Variants in MYT1L observed in about 807,000 individuals in gnomAD.
The protein encoded by MYT1L is myelin transcription factor 1 like.
A neutral mutation model predicts 126.7 loss-of-function variants in MYT1L; 12 were observed. The ratio of observed to expected loss-of-function variants is 0.09; its 90% CI spans 0.06 to 0.15. MYT1L has a LOEUF of 0.15. Among genes scored for constraint, MYT1L ranks in the 10% least tolerant of loss-of-function variants. MYT1L has a pLI of 1.00. For missense variants in MYT1L, 979 were observed against 1,585.2 expected, an observed-to-expected ratio of 0.62 and a Z score of 6.49; for synonymous variants, 541 against 604.2, an observed-to-expected ratio of 0.90 and a Z score of 1.53.
At chr2:1,955,222 T>C (rs968292853) in intron 8 of MYT1L, among the ~76,000 whole-genome samples, 1 of 148,260 alleles carries the variant, frequency 6.7e-6, no homozygotes, top group African/African-American at 2.5e-5. Flanking sequence ...AAAAAAAAAA[T>C]GGCTAAAGAT....
At chr2:2,291,946 C>T (rs978745126) in intron 1 of MYT1L, among the ~76,000 whole-genome samples, 5 of 152,252 alleles carry the variant, frequency 3.3e-5, no homozygotes, top group Non-Finnish European at 7.3e-5. Flanking sequence ...TGCAGAGGAG[C>T]GCTCGACAGC....
rs776661204 is a variant in MYT1L at position 1,979,817 on chromosome 2, C to T, written c.1-40G>A. The T allele has an allele frequency of 3.6e-5, 58 of 1,608,080 alleles. No individual in the cohort carries two copies. Among genetic ancestry groups the T allele is most frequent in the South Asian group, 2.2e-5 (2 of 90,874 alleles). On this transcript the variant is annotated intron_variant, in intron 5 of 24. Transcript: ENST00000647738. This position sits in a 1 kb window ranked among gnomAD's most constrained non-coding sequence, Gnocchi z 4.0. ...GCAGCCATCAATGTGCTTATCCTGCCTGTGCAGGCCAGCCCTGCAGGGGCG... is the reference window on the plus strand; with the variant it reads ...GCAGCCATCAATGTGCTTATCCTGCTTGTGCAGGCCAGCCCTGCAGGGGCG...
At chr2:1,952,831 C>CT in intron 8 of MYT1L, among the ~76,000 whole-genome samples, 1 of 82,528 alleles carries the variant, frequency 1.2e-5, no homozygotes, top group African/African-American at 5.8e-5. Flanking sequence ...CTCCCTCCCT[C>CT]CTTCCCTTAC....
chr2:2,295,791 CAGAG>C lies in MYT1L; in HGVS notation c.-520-11292_-520-11289del, dbSNP rs200564543. Among the ~76,000 whole-genome samples, 175 of 100,344 alleles carry C rather than the reference CAGAG, an allele frequency of 1.7e-3. 2 individuals carry two copies. Among genetic ancestry groups the C allele is most frequent in the Admixed American group, 3.4e-3 (36 of 10,600 alleles). 65.8% of individuals were successfully genotyped at this position (100,344 alleles called of 152,430 possible). ...ACAGAGAGAGAGATAGAGAGACAGA[CAGAG>C]AGAGAGAGAGAGAGAGAGACAGAGG... On this transcript the variant is annotated intron_variant, in intron 1 of 24. Coordinates refer to ENST00000647738, the MANE Select transcript of MYT1L (RefSeq NM_001303052.2).
At chr2:2,127,818 C>A (rs993766256) in intron 3 of MYT1L, among the ~76,000 whole-genome samples, 1 of 152,166 alleles carries the variant, frequency 6.6e-6, no homozygotes, top group Admixed American at 6.5e-5. Context: ...CATCCACACA[C>A]CACCACCTCC....
chr2:2,266,003 T>C (rs1424927065), intron 2 of MYT1L, among the ~76,000 whole-genome samples: 1 of 151,924 alleles, frequency 6.6e-6, no homozygotes, highest in Non-Finnish European at 1.5e-5. Flanking sequence ...ACAGAATAGC[T>C]CCGGGTGCAG....
intron 1 of MYT1L, among the ~76,000 whole-genome samples, chr2:2,319,838 A>G (rs976497429): frequency 6.6e-6 from 1 of 151,844 alleles, no homozygotes; most frequent in African/African-American, 2.4e-5. Flanking sequence ...GAAATTTGTT[A>G]CTCAGTTCTA....
chr2:1,993,353 G>A (rs1224290036), intron 5 of MYT1L, among the ~76,000 whole-genome samples: 2 of 152,232 alleles, frequency 1.3e-5, no homozygotes, highest in South Asian at 2.1e-4. Flanking sequence ...TTTCTTACTG[G>A]AGGAAACCAA....
At chr2:2,323,416 G>C (rs1435619028) in intron 1 of MYT1L, among the ~76,000 whole-genome samples, 1 of 152,152 alleles carries the variant, frequency 6.6e-6, no homozygotes, top group Non-Finnish European at 1.5e-5. Context: ...ATTTCTACTT[G>C]AGTTCTACCT....
At chr2:1,973,005 T>G (rs1465307390) in intron 8 of MYT1L, among the ~76,000 whole-genome samples, 3 of 152,222 alleles carry the variant, frequency 2.0e-5, no homozygotes, top group Admixed American at 2.0e-4. Flanking sequence ...GTTGGAACCC[T>G]AAGTTCAACA....
chr2:2,018,722 G>A (rs1251138655), intron 4 of MYT1L, among the ~76,000 whole-genome samples: 1 of 152,192 alleles, frequency 6.6e-6, no homozygotes, highest in East Asian at 1.9e-4. Flanking sequence ...TCTCCACTTG[G>A]TCAATGGATT....
At chr2:2,123,520 T>C (rs2081310352) in intron 3 of MYT1L, among the ~76,000 whole-genome samples, 1 of 151,962 alleles carries the variant, frequency 6.6e-6, no homozygotes, top group Non-Finnish European at 1.5e-5. Context: ...CGACACTGAG[T>C]TCTCGCAAGA....
rs79384414 is a variant in MYT1L at position 2,142,503 on chromosome 2, G to A, written c.-304+30369C>T. Among the ~76,000 whole-genome samples the A allele has an allele frequency of 9.9e-5, 15 of 152,206 alleles. No individual in the cohort carries two copies. In the East Asian group the frequency reaches 1.6e-3, roughly 16 times the overall value. Reference sequence around the variant, plus strand: ...TCTGCATAAGACCAACTCACCAGGCGTGAAGCGTCAACTCCCTGGGCTGTG... The same window carrying A: ...TCTGCATAAGACCAACTCACCAGGCATGAAGCGTCAACTCCCTGGGCTGTG... On this transcript the variant is annotated intron_variant, in intron 3 of 24. Transcript: ENST00000647738.
At chr2:1,886,646 G>A (rs370398837) in intron 17 of MYT1L, 39 bp from the exon 18 acceptor site, 12 of 1,394,776 alleles carry the variant, frequency 8.6e-6, no homozygotes, top group African/African-American at 4.4e-5. Flanking sequence ...AGTCAACTGC[G>A]AAGCGCGTAA....
intron 9 of MYT1L, among the ~76,000 whole-genome samples, chr2:1,940,522 A>G (rs1049338394): frequency 6.7e-6 from 1 of 149,260 alleles, no homozygotes; most frequent in Non-Finnish European, 1.5e-5. Flanking sequence ...GGTAGCAGGT[A>G]GGTTATCTCT....
chr2:1,900,385 C>T (rs149274767), intron 14 of MYT1L, among the ~76,000 whole-genome samples: 6,307 of 152,078 alleles, frequency 0.041, 202 homozygotes, highest in Non-Finnish European at 0.059. Context: ...CTGCAAGCTC[C>T]GCCTCCCGGG....
intron 5 of MYT1L, among the ~76,000 whole-genome samples, chr2:1,995,531 G>T (rs2061764096): frequency 6.6e-6 from 1 of 152,212 alleles, no homozygotes; most frequent in South Asian, 2.1e-4. Flanking sequence ...TTCTAGAAGG[G>T]GTGGAAGGGA....
chr2:1,814,612 C>T (rs2037339403), intron 21 of MYT1L, among the ~76,000 whole-genome samples: 1 of 152,148 alleles, frequency 6.6e-6, no homozygotes, highest in African/African-American at 2.4e-5. Context: ...CAGAAACTGC[C>T]CCCAGCCTCC....
At chr2:1,865,366 G>T (rs10195388) in intron 18 of MYT1L, among the ~76,000 whole-genome samples, 8,521 of 152,234 alleles carry the variant, frequency 0.056, 304 homozygotes, top group Non-Finnish European at 0.071. Context: ...TCAGGGGTGT[G>T]GCCAAAGAGC....
Sources: gnomAD v4.1 joint callset for allele counts (sites outside exome capture counted in the v4.1 genomes callset) on GRCh38, gnomAD v4.1.1 for gene constraint, Gnocchi (gnomAD v3.1) non-coding constraint, MANE v1.5 for transcripts, NCBI Gene and HGNC (gene_info 2026-07-23, HGNC 2026-07-21) for gene names.